ZNF37A: variants seen among roughly 807,000 people sequenced by gnomAD.
ZNF37A encodes the protein zinc finger protein 37a (KOX 21).
A neutral mutation model predicts 12.3 loss-of-function variants in ZNF37A; 10 were observed. The observed-to-expected ratio is 0.82, with a 90% confidence interval of 0.50 to 1.38. ZNF37A has a LOEUF of 1.38. Ranked by LOEUF, ZNF37A falls within the 40% of genes most tolerant of loss-of-function variation. The pLI is 0.00. For synonymous variants in ZNF37A, 207 were observed against 223.0 expected, an observed-to-expected ratio of 0.93 and a Z score of 0.64; for missense variants, 580 against 651.2, an observed-to-expected ratio of 0.89 and a Z score of 1.19.
At chr10:38,127,461 C>T (rs2474584), downstream of ZNF37A, among the ~76,000 whole-genome samples, 62,565 of 151,946 alleles carry the variant, frequency 0.41, 13,068 homozygotes, top group East Asian at 0.5. Context: ...GTGTGTGATA[C>T]TTGGCTTTAA....
chr10:38,116,991 C>T (rs1229000882), intron 7 of ZNF37A: 1 of 167,680 alleles, frequency 6.0e-6, no homozygotes, highest in African/African-American at 2.4e-5. Flanking sequence ...TGCCTGTAGT[C>T]CCAGCTACTT....
chr10:38,145,611 C>T (rs2070242884), intron 7 of ZNF37A, among the ~76,000 whole-genome samples: 1 of 152,202 alleles, frequency 6.6e-6, no homozygotes, highest in Admixed American at 6.5e-5. Flanking sequence ...GCACCATTTT[C>T]ACCCTTTGGT....
downstream of ZNF37A, among the ~76,000 whole-genome samples, chr10:38,126,607 C>T (rs1346976718): frequency 6.6e-6 from 1 of 152,208 alleles, no homozygotes; most frequent in Admixed American, 6.5e-5. Context: ...ACTTGCCTCA[C>T]AGCCACTCAG....
At chr10:38,097,613 A>AAAAAAAAAC (rs2067256058) in intron 5 of ZNF37A, among the ~76,000 whole-genome samples, 2 of 140,730 alleles carry the variant, frequency 1.4e-5, no homozygotes, top group Non-Finnish European at 3.1e-5. Flanking sequence ...AAAAAAAAAA[A>AAAAAAAAAC]ATCACATGAA....
At chr10:38,102,386 A>G (rs2067665741) in intron 5 of ZNF37A, among the ~76,000 whole-genome samples, 1 of 152,152 alleles carries the variant, frequency 6.6e-6, no homozygotes, top group African/African-American at 2.4e-5. Flanking sequence ...TCTTGAATTT[A>G]TAACAATCTA....
Position 38,109,951 on chromosome 10 carries a change from A to G in ZNF37A, c.16-4804A>G, listed in dbSNP as rs571208426. 6.0e-4 allele frequency among the ~76,000 whole-genome samples: 91 copies of G among 152,364 alleles called. No individual in the cohort carries two copies. The Middle Eastern group carries it at 0.02, about 34-fold the overall frequency. On this transcript the variant is annotated intron_variant, in intron 5 of 7. Coordinates refer to ENST00000685332, the MANE Select transcript of ZNF37A (RefSeq NM_001324250.3). ...TTTATAGATTCAAGCTATCCCCATC[A>G]AGTTACCATTAACATTCTTCACAGA... is the stretch of plus-strand genomic sequence containing the variant.
chr10:38,110,639 G>GA (rs886285918), intron 5 of ZNF37A, among the ~76,000 whole-genome samples: 52 of 151,868 alleles, frequency 3.4e-4, no homozygotes, highest in African/African-American at 1.2e-3. Context: ...AAATTTACAA[G>GA]AAAAAAACAA....
intron 5 of ZNF37A, among the ~76,000 whole-genome samples, chr10:38,110,549 A>G (rs1254215666): frequency 1.3e-5 from 2 of 152,220 alleles, no homozygotes; most frequent in Non-Finnish European, 2.9e-5. Flanking sequence ...TGAACAGGCA[A>G]TCTACAGAAT....
rs565316073 is a variant in ZNF37A at position 38,119,836 on chromosome 10, G to A, written c.*999G>A. The A allele has an allele frequency of 4.6e-5, 7 of 152,262 alleles. 1 individual carries two copies. In the Middle Eastern group the frequency reaches 0.01, roughly 222 times the overall value. The allele number at this position is 152,262 out of a possible 1,614,324, so 9.4% of individuals were successfully genotyped here. A position where few individuals can be genotyped will look rare whatever the true frequency, so the allele number is the denominator to read the frequency against. On this transcript the variant is annotated 3_prime_UTR_variant, in exon 8 of 8. Transcript: ENST00000685332. ...GGGGCCATAGTACAGGAGCCCACCA[G>A]CAGGATTTTTGAATAATCCTAGGGC...
At chr10:38,147,565 CCT>C (rs2070270448) in exon 8 of ZNF37A, 1 of 152,124 alleles carries the variant, frequency 6.6e-6, no homozygotes, top group South Asian at 2.1e-4. Flanking sequence ...GGAATTATGT[CCT>C]CTTTCTAATT....
rs747795005 is a variant in ZNF37A at position 38,118,803 on chromosome 10, T to C, written c.1652T>C (p.Ile551Thr). 3 of 1,591,022 alleles carry C rather than the reference T, an allele frequency of 1.9e-6. No homozygotes were observed. The highest frequency in any genetic ancestry group is 3.6e-5 in the Admixed American group (2 of 56,254). Residue 551 changes from isoleucine (I) to threonine (T), a missense_variant, in exon 8 of 8, where the codon ATA becomes ACA. Coordinates refer to ENST00000685332, the MANE Select transcript of ZNF37A (RefSeq NM_001324250.3). ...AGAATACACTTGGGGAGAAACCCTA[T>C]AAATGTAGTAAACGAGGGAAATTAC... is the stretch of plus-strand genomic sequence containing the variant. ...HQRIHLGRNP[I>T]NVVNEGNYSG
chr10:38,114,905 T>G (rs1238716356), intron 6 of ZNF37A, 24 bp downstream of exon 6: 1 of 1,596,650 alleles, frequency 6.3e-7, no homozygotes, highest in Non-Finnish European at 8.5e-7. Context: ...GTTTCCCATG[T>G]AGAAGGCCAG....
chr10:38,112,737 T>TGGTCTTGGTCTTGG (rs1564931757), intron 5 of ZNF37A, among the ~76,000 whole-genome samples: 4 of 71,996 alleles, frequency 5.6e-5, no homozygotes, highest in Admixed American at 2.8e-4. Flanking sequence ...TCCATTTTCT[T>TGGTCTTGGTCTTGG]TTCTTTTCTT....
At chr10:38,105,788 T>G (rs1166983795) in intron 5 of ZNF37A, among the ~76,000 whole-genome samples, 1 of 152,250 alleles carries the variant, frequency 6.6e-6, no homozygotes, top group Non-Finnish European at 1.5e-5. Flanking sequence ...CTGAATTTCC[T>G]TTTGGATTGT....
chr10:38,115,139 C>T, intron 6 of ZNF37A, 56 bp from the exon 7 acceptor site: 3 of 1,331,288 alleles, frequency 2.3e-6, no homozygotes, highest in Non-Finnish European at 3.1e-6. Context: ...ATACTGTCTT[C>T]CTCCTTCAGG....
At chr10:38,142,236 G>A (rs1478404801) in intron 7 of ZNF37A, 1 of 152,102 alleles carries the variant, frequency 6.6e-6, no homozygotes, top group Non-Finnish European at 1.5e-5. Context: ...CCATGTCTGG[G>A]GAACAGCCTC....
At chr10:38,101,823 C>A (rs554593725) in intron 5 of ZNF37A, among the ~76,000 whole-genome samples, 2,768 of 133,152 alleles carry the variant, frequency 0.021, 48 homozygotes, top group Non-Finnish European at 0.033. Flanking sequence ...TTTTATTTTT[C>A]TTTTTTTTTT....
chr10:38,129,949 C>T (rs2069997147), downstream of ZNF37A, among the ~76,000 whole-genome samples: 1 of 152,174 alleles, frequency 6.6e-6, no homozygotes, highest in Admixed American at 6.5e-5. Context: ...AATACATTCA[C>T]AATGTTATAT....
rs572546740 is a variant in ZNF37A at position 38,097,493 on chromosome 10, G to A, written c.15+861G>A. ...GTCAGGAGGCTGAGGCAGGAGAATC[G>A]CTTGAACCCAGGAGGCGGAGGGTGC... is the stretch of plus-strand genomic sequence containing the variant. On this transcript the variant is annotated intron_variant, in intron 5 of 7. Transcript: ENST00000685332. 8.4e-4 allele frequency among the ~76,000 whole-genome samples: 124 copies of A among 147,648 alleles called. 1 individual carries two copies. Among genetic ancestry groups the A allele is most frequent in the African/African-American group, 2.9e-3 (118 of 40,424 alleles).
Sources: gnomAD v4.1 joint callset for allele counts (sites outside exome capture counted in the v4.1 genomes callset) on GRCh38, gnomAD v4.1.1 for gene constraint, MANE v1.5 for transcripts, NCBI Gene and HGNC (gene_info 2026-07-23, HGNC 2026-07-21) for gene names.